Variants in FBN1 observed in about 807,000 individuals in gnomAD.
The protein encoded by FBN1 is fibrillin 1.
Under a neutral mutation model 365.1 loss-of-function variants are expected in FBN1, and 29 were observed. The observed-to-expected ratio is 0.08, with a 90% CI of 0.06 to 0.11. The LOEUF (loss-of-function observed/expected upper bound fraction) is 0.11. FBN1 is among the 10% of genes least tolerant of loss of function. The probability of loss-of-function intolerance (pLI) is 1.00; values close to 1 mark genes in which losing one functional copy is unlikely to be tolerated. For missense variants in FBN1, 2,476 were observed against 3,703.2 expected, an observed-to-expected ratio of 0.67 and a Z score of 8.60; for synonymous variants, 1,210 against 1,270.5, an observed-to-expected ratio of 0.95 and a Z score of 1.01.
chr15:48,617,014 G>A (rs145704123), intron 2 of FBN1, among the ~76,000 whole-genome samples: 1 of 152,242 alleles, frequency 6.6e-6, no homozygotes, highest in East Asian at 1.9e-4. Context: ...TGATTCTAGA[G>A]TACGCTCTCC....
intron 2 of FBN1, among the ~76,000 whole-genome samples, chr15:48,617,331 C>A (rs180749216): frequency 1.3e-5 from 2 of 152,008 alleles, no homozygotes; most frequent in Non-Finnish European, 2.9e-5. Context: ...CACACCACTA[C>A]ACCCAGCTAA....
chr15:48,505,247 G>A (rs2043699004), intron 15 of FBN1, 100 bp from the exon 16 acceptor site: 1 of 1,423,106 alleles, frequency 7.0e-7, no homozygotes, highest in African/African-American at 1.4e-5. Context: ...GGGGAAGATA[G>A]GAAATAATAT....
Position 48,526,350 on chromosome 15 carries a change from T to C in FBN1, c.863-95A>G, listed in dbSNP as rs924028206. On this transcript the variant is annotated intron_variant, in intron 8 of 65. Coordinates refer to ENST00000316623, the MANE Select transcript of FBN1 (RefSeq NM_000138.5). ...TCAGATGTTAACACTAGTCAAATCA[T>C]GTCCCTGGAAACAGCCATCATTAAA... The C allele has an allele frequency of 2.4e-5, 33 of 1,352,518 alleles. No homozygotes were observed. In the African/African-American group the frequency reaches 4.3e-4, roughly 18 times the overall value. The allele number at this position is 1,352,518 out of a possible 1,614,324, so 83.8% of individuals were successfully genotyped here.
chr15:48,605,488 C>A (rs73394284), intron 4 of FBN1, among the ~76,000 whole-genome samples: 17,438 of 152,112 alleles, frequency 0.11, 3,430 homozygotes, highest in African/African-American at 0.4. Flanking sequence ...AAAATGCCTG[C>A]AAATAACATA....
intron 9 of FBN1, among the ~76,000 whole-genome samples, chr15:48,522,023 G>T (rs539601146): frequency 1.8e-4 from 27 of 152,266 alleles, no homozygotes; most frequent in African/African-American, 6.5e-4. Flanking sequence ...GCCTCTGTCA[G>T]ATCAGTGGCA....
At chr15:48,626,256 CAAA>C (rs35055998) in intron 2 of FBN1, among the ~76,000 whole-genome samples, 5 of 88,928 alleles carry the variant, frequency 5.6e-5, no homozygotes, top group African/African-American at 4.3e-5. Flanking sequence ...GACCCTGTCT[CAAA>C]AAAAAAAAAA....
At chr15:48,519,322 G>T (rs1036846353) in intron 10 of FBN1, among the ~76,000 whole-genome samples, 1 of 152,182 alleles carries the variant, frequency 6.6e-6, no homozygotes, top group Non-Finnish European at 1.5e-5. Context: ...CTCAATTGGT[G>T]GGAAAGATGT....
chr15:48,520,639 A>C lies in FBN1; in HGVS notation c.1147+20T>G. 6.2e-7 allele frequency: 1 copy of C among 1,613,586 alleles called. No homozygotes were observed. Among genetic ancestry groups the C allele is most frequent in the Non-Finnish European group, 8.5e-7 (1 of 1,179,664 alleles). ...AGGGCTGGGATGGGATATTCTGCAG[A>C]TAACTGGAAGGGCTCTTACCGGTTG... On this transcript the variant is annotated intron_variant, in intron 10 of 65. Coordinates refer to ENST00000316623, the MANE Select transcript of FBN1 (RefSeq NM_000138.5).
At chr15:48,421,525 A>G in intron 62 of FBN1, 33 bp downstream of exon 62, 1 of 1,607,444 alleles carries the variant, frequency 6.2e-7, no homozygotes, top group Non-Finnish European at 8.5e-7. Context: ...ACAAGGATTC[A>G]CCAGCTGGAT....
chr15:48,597,638 T>C (rs960122622), intron 5 of FBN1, among the ~76,000 whole-genome samples: 2 of 152,226 alleles, frequency 1.3e-5, no homozygotes, highest in African/African-American at 4.8e-5. Context: ...TAATTCTGTC[T>C]TGATATTTTC....
At position 48,420,779 on chromosome 15, in the gene FBN1, C is replaced by A; in HGVS notation, c.7727G>T (p.Arg2576Leu). ...EDVDECEGNH[R>L]CQHGCQNIIG... The stretch of plus-strand genomic sequence containing the variant: ...GATGTTCTGGCAGCCATGCTGGCAG[C>A]GGTGGTTACCCTCACACTCGTCCAC... Residue 2576 changes from arginine (R) to leucine (L), a missense_variant, in exon 63 of 66, where the codon CGC (arginine) becomes CTC (leucine). By Grantham distance (102) the Arg-to-Leu change is moderately radical (BLOSUM62 -2). This residue lies in a region of FBN1 where 1,780 missense variants were observed against 2,840.8 expected (regional missense o/e 0.63). Coordinates refer to ENST00000316623, the MANE Select transcript of FBN1 (RefSeq NM_000138.5). 6.2e-7 allele frequency: 1 copy of A among 1,613,978 alleles called. No homozygotes were observed. Among genetic ancestry groups the A allele is most frequent in the Middle Eastern group, 1.7e-4 (1 of 6,036 alleles).
chr15:48,422,956 C>CA (rs1403201533), intron 60 of FBN1, among the ~76,000 whole-genome samples: 6 of 151,832 alleles, frequency 4.0e-5, no homozygotes, highest in Admixed American at 2.6e-4. Flanking sequence ...AAACAAAAAA[C>CA]AAAAAACAAA....
At chr15:48,521,564 A>G (rs181873983) in intron 9 of FBN1, among the ~76,000 whole-genome samples, 20 of 152,344 alleles carry the variant, frequency 1.3e-4, no homozygotes, top group African/African-American at 4.1e-4. Context: ...ACGCATTTCT[A>G]TATCACTTTT....
In FBN1 at chr15:48,644,780, C is replaced by A. The variant is rs1230427056; in HGVS notation, c.-11G>T. ...ACGCCCTCGACGCATGATGCCGAGC[C>A]GCCACCGGCTCCCGCCGCCTCTTGC... is the stretch of plus-strand genomic sequence containing the variant. On this transcript the variant is annotated 5_prime_UTR_variant, in exon 2 of 66. Transcript: ENST00000316623. 5.6e-6 allele frequency: 9 copies of A among 1,603,354 alleles called. No individual in the cohort carries two copies. In the South Asian group the frequency reaches 9.9e-5, roughly 18 times the overall value.
chr15:48,468,615 T>G, intron 36 of FBN1, 81 bp from the exon 37 acceptor site: 4 of 1,461,976 alleles, frequency 2.7e-6, no homozygotes, highest in Non-Finnish European at 3.8e-6. Flanking sequence ...GGGCCCAATC[T>G]AGAGCTCCAA....
At chr15:48,531,140 A>G (rs993699286) in intron 8 of FBN1, among the ~76,000 whole-genome samples, 1 of 152,162 alleles carries the variant, frequency 6.6e-6, no homozygotes, top group Non-Finnish European at 1.5e-5. Context: ...TATAAATCTC[A>G]ATCTTTTCCT....
At chr15:48,525,329 A>G (rs2043901121) in intron 9 of FBN1, among the ~76,000 whole-genome samples, 1 of 152,280 alleles carries the variant, frequency 6.6e-6, no homozygotes, top group Non-Finnish European at 1.5e-5. Flanking sequence ...TGACTGAAGC[A>G]AACTGCCCGC....
intron 6 of FBN1, among the ~76,000 whole-genome samples, chr15:48,581,671 C>T (rs2044392998): frequency 2.0e-5 from 3 of 151,906 alleles, no homozygotes; most frequent in Non-Finnish European, 4.4e-5. Flanking sequence ...ACACAGAGAA[C>T]AGAAATAGCA....
At chr15:48,447,596 T>C (rs889310843) in intron 46 of FBN1, among the ~76,000 whole-genome samples, 2 of 152,044 alleles carry the variant, frequency 1.3e-5, no homozygotes, top group Non-Finnish European at 2.9e-5. Context: ...TAATAAAAAA[T>C]TTAATGAAAG....
Sources: allele counts gnomAD v4.1 joint callset (sites outside exome capture counted in the v4.1 genomes callset), GRCh38; gene constraint gnomAD v4.1.1; regional missense constraint gnomAD v4.1.1; transcripts MANE v1.5; gene names NCBI Gene and HGNC (gene_info 2026-07-23, HGNC 2026-07-21).